The following CHRM3 variants were observed in gnomAD, a reference collection of about 807,000 sequenced individuals.
The protein encoded by CHRM3 is cholinergic receptor muscarinic 3.
Under a neutral mutation model 41.8 loss-of-function variants are expected in CHRM3, and 11 were observed. The ratio of observed to expected loss-of-function variants is 0.26; its 90% CI spans 0.17 to 0.44. The LOEUF (loss-of-function observed/expected upper bound fraction) is 0.44. Among genes scored for constraint, CHRM3 ranks in the 20% least tolerant of loss-of-function variants. CHRM3 has a pLI of 1.00. For missense variants in CHRM3, 571 were observed against 745.4 expected, an observed-to-expected ratio of 0.77 and a Z score of 2.72; for synonymous variants, 297 against 301.4, an observed-to-expected ratio of 0.99 and a Z score of 0.15.
At chr1:239,581,123 C>T (rs541957641) in intron 3 of CHRM3, among the ~76,000 whole-genome samples, 11 of 152,078 alleles carry the variant, frequency 7.2e-5, no homozygotes, top group East Asian at 1.9e-4. Context: ...ATGCAGCATA[C>T]GGTACCATCG....
At chr1:239,636,820 A>G (rs937797115) in intron 4 of CHRM3, among the ~76,000 whole-genome samples, 2 of 152,242 alleles carry the variant, frequency 1.3e-5, no homozygotes, top group African/African-American at 4.8e-5. Flanking sequence ...TGTAATGTGC[A>G]GTAGTATCCC....
chr1:239,561,417 G>A lies in CHRM3; in HGVS notation c.-313+15668G>A, dbSNP rs536562351. 1.4e-4 allele frequency among the ~76,000 whole-genome samples: 22 copies of A among 152,052 alleles called. No homozygotes were observed. In the South Asian group the frequency reaches 3.3e-3, roughly 23 times the overall value. On this transcript the variant is annotated intron_variant, in intron 3 of 6. Coordinates refer to ENST00000676153, the MANE Select transcript of CHRM3 (RefSeq NM_001375978.1). ...ACCAGACTACCTTCTCCTGGTCCTCGTGGGCTGAGATGCTATTTTCTCAGA... is the reference window on the plus strand; with the variant it reads ...ACCAGACTACCTTCTCCTGGTCCTCATGGGCTGAGATGCTATTTTCTCAGA...
intron 5 of CHRM3, among the ~76,000 whole-genome samples, chr1:239,824,654 T>G (rs940214610): frequency 6.6e-6 from 1 of 152,198 alleles, no homozygotes; most frequent in Non-Finnish European, 1.5e-5. Flanking sequence ...TGACCAAAAG[T>G]CAGCCTTGTA....
At chr1:239,586,091 A>C (rs1415601707) in intron 3 of CHRM3, among the ~76,000 whole-genome samples, 1 of 151,904 alleles carries the variant, frequency 6.6e-6, no homozygotes, top group Non-Finnish European at 1.5e-5. Context: ...ATTTCTGTCC[A>C]CTCCCTGCCC....
At chr1:239,415,616 A>G (rs996018833) in intron 1 of CHRM3, among the ~76,000 whole-genome samples, 1 of 152,240 alleles carries the variant, frequency 6.6e-6, no homozygotes, top group Non-Finnish European at 1.5e-5. Flanking sequence ...ACATAGCTAA[A>G]GGTGTATTTG....
chr1:239,650,545 G>C (rs1464876091), intron 4 of CHRM3, among the ~76,000 whole-genome samples: 1 of 152,206 alleles, frequency 6.6e-6, no homozygotes, highest in African/African-American at 2.4e-5. Context: ...GATTGGGAGA[G>C]AGAAAGTGAT....
intron 5 of CHRM3, among the ~76,000 whole-genome samples, chr1:239,728,832 A>G (rs1663687404): frequency 6.6e-6 from 1 of 151,916 alleles, no homozygotes; most frequent in South Asian, 2.1e-4. Context: ...TTTTATTATT[A>G]CTATAGATTA....
At chr1:239,710,848 C>G (rs1172276189) in intron 5 of CHRM3, among the ~76,000 whole-genome samples, 1 of 152,022 alleles carries the variant, frequency 6.6e-6, no homozygotes, top group Non-Finnish European at 1.5e-5. Context: ...TCTCACCACA[C>G]CGCAAACAAC....
intron 1 of CHRM3, among the ~76,000 whole-genome samples, chr1:239,448,703 G>T (rs748336110): frequency 6.6e-6 from 1 of 152,100 alleles, no homozygotes; most frequent in Admixed American, 6.5e-5. Flanking sequence ...GCTGTAGGCT[G>T]TAGTTACAAG....
intron 6 of CHRM3, among the ~76,000 whole-genome samples, chr1:239,904,595 A>G (rs1252796258): frequency 6.6e-6 from 1 of 152,140 alleles, no homozygotes; most frequent in African/African-American, 2.4e-5. Context: ...TGGGCTACAA[A>G]CAGTGTGTAA....
intron 4 of CHRM3, among the ~76,000 whole-genome samples, chr1:239,660,584 T>C (rs1673104103): frequency 6.6e-6 from 1 of 152,142 alleles, no homozygotes; most frequent in South Asian, 2.1e-4. Context: ...ATAGTAATGA[T>C]AATAATAGAT....
chr1:239,524,423 G>A (rs569923176), intron 2 of CHRM3, among the ~76,000 whole-genome samples: 2 of 151,802 alleles, frequency 1.3e-5, no homozygotes, highest in African/African-American at 2.4e-5. Context: ...CTACAGAGTG[G>A]TAGTTTATTT....
intron 5 of CHRM3, among the ~76,000 whole-genome samples, chr1:239,756,151 C>A (rs1666227026): frequency 6.6e-6 from 1 of 152,186 alleles, no homozygotes; most frequent in South Asian, 2.1e-4. Context: ...CCCGCAATTA[C>A]ATTTGCACCA....
chr1:239,513,109 C>T (rs1669033442), intron 2 of CHRM3, among the ~76,000 whole-genome samples: 2 of 152,026 alleles, frequency 1.3e-5, no homozygotes, highest in Non-Finnish European at 2.9e-5. Flanking sequence ...TGGTATTAGG[C>T]CAATACCAAC....
intron 3 of CHRM3, among the ~76,000 whole-genome samples, chr1:239,617,646 A>G (rs1667778633): frequency 6.6e-6 from 1 of 152,136 alleles, no homozygotes; most frequent in Admixed American, 6.6e-5. Context: ...AGGGAGGAGG[A>G]TTACTTCAGT....
intron 6 of CHRM3, among the ~76,000 whole-genome samples, chr1:239,857,621 T>A (rs1486045469): frequency 6.6e-6 from 1 of 152,194 alleles, no homozygotes; most frequent in African/African-American, 2.4e-5. Flanking sequence ...TTTGTTGAAA[T>A]GGTTGTTAAA....
At chr1:239,662,750 G>GCTC (rs906795728) in intron 4 of CHRM3, among the ~76,000 whole-genome samples, 1 of 150,744 alleles carries the variant, frequency 6.6e-6, no homozygotes, top group African/African-American at 2.4e-5. Flanking sequence ...TTTGTTTTTC[G>GCTC]CTCCTCCTCC....
chr1:239,552,328 AGAT>A (rs1387207377), intron 3 of CHRM3, among the ~76,000 whole-genome samples: 73 of 148,016 alleles, frequency 4.9e-4, no homozygotes, highest in African/African-American at 1.7e-3. Flanking sequence ...TCATATATAT[AGAT>A]GATATGTATC....
chr1:239,789,992 G>T (rs997199313), intron 5 of CHRM3, among the ~76,000 whole-genome samples: 19 of 152,156 alleles, frequency 1.2e-4, no homozygotes, highest in African/African-American at 4.1e-4. Flanking sequence ...TTTCAGACTT[G>T]CATGGGGCCT....
Sources: gnomAD v4.1 joint callset for allele counts (sites outside exome capture counted in the v4.1 genomes callset) on GRCh38, gnomAD v4.1.1 for gene constraint, MANE v1.5 for transcripts, NCBI Gene and HGNC (gene_info 2026-07-23, HGNC 2026-07-21) for gene names.